GPAT3: variants seen among roughly 807,000 people sequenced by gnomAD.
GPAT3 encodes the protein glycerol-3-phosphate acyltransferase 3, also known as 1-AGP acyltransferase 9.
A neutral mutation model predicts 58.8 loss-of-function variants in GPAT3; 53 were observed. The ratio of observed to expected loss-of-function variants is 0.90; its 90% confidence interval spans 0.72 to 1.13. The LOEUF (loss-of-function observed/expected upper bound fraction) is 1.13, where lower values mean the gene tolerates loss of function less well. Among genes scored for constraint, GPAT3 ranks in the 50% most tolerant of loss-of-function variants. GPAT3 has a pLI of 0.00. For synonymous variants in GPAT3, 197 were observed against 187.4 expected (o/e 1.05, Z -0.42); for missense variants, 511 against 527.6 (o/e 0.97, Z 0.31).
chr4:83,553,887 TAAATAAATAAAATAAAA>T (rs1049181252), intron 2 of GPAT3, among the ~76,000 whole-genome samples: 30 of 151,384 alleles, frequency 2.0e-4, no homozygotes, highest in African/African-American at 7.0e-4. Flanking sequence ...AAAAAATAAA[TAAATAAATAAAATAAAA>T]AAATAAATAA....
intron 11 of GPAT3, among the ~76,000 whole-genome samples, chr4:83,602,006 T>C (rs1463742389): frequency 6.6e-6 from 1 of 152,216 alleles, no homozygotes; most frequent in Non-Finnish European, 1.5e-5. Flanking sequence ...ACATTTGTAT[T>C]ACACTGTCTA....
intron 2 of GPAT3, among the ~76,000 whole-genome samples, chr4:83,554,491 G>A (rs1724877979): frequency 6.6e-6 from 1 of 152,070 alleles, no homozygotes; most frequent in African/African-American, 2.4e-5. Flanking sequence ...TTTTAGGCAA[G>A]AACCTGTCAA....
At chr4:83,535,725 T>C (rs1282796813), upstream of GPAT3, 41 of 985,148 alleles carry the variant, frequency 4.2e-5, no homozygotes, top group Admixed American at 6.2e-5. Context: ...GCCCCACAGC[T>C]GTAGGCCATG....
intron 3 of GPAT3, among the ~76,000 whole-genome samples, chr4:83,585,192 A>C (rs928437476): frequency 1.1e-4 from 17 of 152,204 alleles, no homozygotes; most frequent in African/African-American, 3.9e-4. Context: ...TCAAGTCTTT[A>C]ACAAAATTTA....
At chr4:83,562,227 T>TA (rs1408288384) in intron 2 of GPAT3, among the ~76,000 whole-genome samples, 2 of 70,256 alleles carry the variant, frequency 2.8e-5, no homozygotes, top group Non-Finnish European at 5.8e-5. Context: ...ATATATATAA[T>TA]ATATATATAA....
intron 2 of GPAT3, among the ~76,000 whole-genome samples, chr4:83,555,565 A>G (rs1724917087): frequency 6.6e-6 from 1 of 152,228 alleles, no homozygotes; most frequent in Non-Finnish European, 1.5e-5. Flanking sequence ...CCTTGTCGTC[A>G]GTGCAGTATT....
Position 83,536,687 on chromosome 4 carries a change from T to A in GPAT3, c.65T>A (p.Ile22Asn). The change falls in exon 1 of 12, where the codon ATC becomes AAC. Residue 22 changes from isoleucine (I) to asparagine (N), a missense_variant. Physicochemically the swap from Ile to Asn is moderately radical, Grantham distance 149. Coordinates refer to ENST00000264409, the MANE Select transcript of GPAT3 (RefSeq NM_032717.5). ...TGGCTGACGCTGGTTCTCGGCTTCA[T>A]CCTTTTACCTTCGGTCTTCGGAGTG... ...STWLTLVLGF[I>N]LLPSVFGVSL... is the part of the protein sequence containing the mutation. 6.2e-7 allele frequency: 1 copy of A among 1,613,636 alleles called. No homozygotes were observed. The highest frequency in any genetic ancestry group is 8.5e-7 in the Non-Finnish European group (1 of 1,179,956).
chr4:83,550,218 C>T (rs1378279280), intron 2 of GPAT3, among the ~76,000 whole-genome samples: 1 of 150,076 alleles, frequency 6.7e-6, no homozygotes, highest in African/African-American at 2.5e-5. Context: ...AAAAAATATA[C>T]AGCTAGGTTT....
intron 11 of GPAT3, among the ~76,000 whole-genome samples, chr4:83,601,956 G>A (rs931888269): frequency 1.3e-5 from 2 of 152,152 alleles, no homozygotes; most frequent in African/African-American, 4.8e-5. Context: ...ACATCCTGGA[G>A]TATGAAACTG....
At chr4:83,551,859 A>C (rs1306589988) in intron 2 of GPAT3, among the ~76,000 whole-genome samples, 1 of 139,692 alleles carries the variant, frequency 7.2e-6, no homozygotes, top group African/African-American at 2.7e-5. Context: ...TGAAGCAAAT[A>C]TGACAATGAG....
At chr4:83,595,497 G>A (rs1408230941) in intron 7 of GPAT3, among the ~76,000 whole-genome samples, 5 of 152,154 alleles carry the variant, frequency 3.3e-5, no homozygotes, top group African/African-American at 1.2e-4. Context: ...CAAGGTAGGA[G>A]AATGGCTTGA....
At chr4:83,575,097 C>T (rs1419249990) in intron 2 of GPAT3, among the ~76,000 whole-genome samples, 2 of 151,894 alleles carry the variant, frequency 1.3e-5, no homozygotes, top group East Asian at 2.0e-4. Flanking sequence ...AGGATGGTCT[C>T]GATCTCCTGA....
chr4:83,587,547 C>T (rs536929854), intron 4 of GPAT3, among the ~76,000 whole-genome samples: 1 of 152,298 alleles, frequency 6.6e-6, no homozygotes, highest in East Asian at 1.9e-4. Context: ...CTGCCTCAGC[C>T]TCCTGAGTAG....
rs976977509 is a variant in GPAT3 at position 83,551,637 on chromosome 4, C to T, written c.208+7035C>T. Among the ~76,000 whole-genome samples, 3 of 151,550 alleles carry T rather than the reference C, an allele frequency of 2.0e-5. No individual in the cohort carries two copies. In the East Asian group the frequency reaches 5.8e-4, roughly 29 times the overall value. On this transcript the variant is annotated intron_variant, in intron 2 of 11. Transcript: ENST00000264409. ...TGAAACCCGGTCTCTACTAAAAATACGAAAATTAACTGGGCGTGGTGGTGC... is the reference window on the plus strand; with the variant it reads ...TGAAACCCGGTCTCTACTAAAAATATGAAAATTAACTGGGCGTGGTGGTGC...
intron 1 of GPAT3, 86 bp downstream of exon 1, chr4:83,536,849 G>A: frequency 7.7e-7 from 1 of 1,305,642 alleles, no homozygotes; most frequent in Admixed American, 1.9e-5. Flanking sequence ...GTGGTCGCGA[G>A]TCAGGGGTGT....
chr4:83,536,212 T>C lies in GPAT3; in HGVS notation c.-411T>C. ...CTGGCTCGGGGAGGGCCTCCGTGAG[T>C]CATCTGCTGAGTTGTCGCAATCGCC... On this transcript the variant is annotated 5_prime_UTR_variant, in exon 1 of 12. Coordinates refer to ENST00000264409, the MANE Select transcript of GPAT3 (RefSeq NM_032717.5). The C allele has an allele frequency of 1.0e-6, 1 of 989,818 alleles. No individual in the cohort carries two copies. The allele number at this position is 989,818 out of a possible 1,614,324, so 61.3% of individuals were successfully genotyped here. A position where few individuals can be genotyped will look rare whatever the true frequency, so the allele number is the denominator to read the frequency against.
intron 2 of GPAT3, among the ~76,000 whole-genome samples, chr4:83,550,779 A>G (rs1382827777): frequency 6.6e-6 from 1 of 152,152 alleles, no homozygotes; most frequent in Admixed American, 6.5e-5. Context: ...AATTTTTTGC[A>G]GTGCTTTAAG....
At chr4:83,586,790 T>C (rs539813886) in intron 3 of GPAT3, among the ~76,000 whole-genome samples, 1 of 152,382 alleles carries the variant, frequency 6.6e-6, no homozygotes, top group East Asian at 1.9e-4. Context: ...TGAGTTATCT[T>C]GAACCATGCA....
intron 9 of GPAT3, 103 bp from the exon 10 acceptor site, chr4:83,597,948 T>C: frequency 1.5e-6 from 2 of 1,368,566 alleles, no homozygotes; most frequent in South Asian, 2.6e-5. Context: ...TTTTTTTTTC[T>C]TAGAGTCTGA....
Sources: allele counts gnomAD v4.1 joint callset (sites outside exome capture counted in the v4.1 genomes callset), GRCh38; gene constraint gnomAD v4.1.1; transcripts MANE v1.5; gene names NCBI Gene and HGNC (gene_info 2026-07-23, HGNC 2026-07-21).